Variants in TMEM192 observed in about 807,000 individuals in gnomAD.
The protein encoded by TMEM192 is transmembrane protein 192.
A neutral mutation model predicts 26.7 loss-of-function variants in TMEM192; 20 were observed. That is an observed-to-expected ratio of 0.75 (90% CI 0.53 to 1.09). TMEM192 has a LOEUF of 1.09. Ranked by LOEUF, TMEM192 falls within the 50% of genes least tolerant of loss-of-function variation. The pLI, the probability that TMEM192 is intolerant of heterozygous loss-of-function variation, is 0.00. For synonymous variants in TMEM192, 124 were observed against 121.0 expected (o/e 1.02, Z -0.16); for missense variants, 304 against 322.6 (o/e 0.94, Z 0.44).
chr4:165,091,356 G>C (rs1734759171), intron 3 of TMEM192, among the ~76,000 whole-genome samples: 1 of 152,056 alleles, frequency 6.6e-6, no homozygotes, highest in Admixed American at 6.6e-5. Flanking sequence ...CCTTTAATTT[G>C]TGGGATCTAA....
chr4:165,109,407 A>G (rs1455392037), intron 1 of TMEM192, among the ~76,000 whole-genome samples: 1 of 152,164 alleles, frequency 6.6e-6, no homozygotes, highest in Non-Finnish European at 1.5e-5. Flanking sequence ...TGTTGCCCAG[A>G]TTGGAGTGCA....
chr4:165,100,933 G>C (rs773774885), intron 2 of TMEM192, 41 bp from the exon 3 acceptor site: 1 of 1,369,752 alleles, frequency 7.3e-7, no homozygotes, highest in Non-Finnish European at 9.9e-7. Flanking sequence ...TTCAATATTT[G>C]TAATTAGGAA....
At chr4:165,101,850 C>G (rs1440737232) in intron 2 of TMEM192, among the ~76,000 whole-genome samples, 1 of 152,132 alleles carries the variant, frequency 6.6e-6, no homozygotes, top group East Asian at 1.9e-4. Context: ...GCAGGGGAAG[C>G]CAGGAAATGT....
intron 3 of TMEM192, among the ~76,000 whole-genome samples, chr4:165,090,312 G>C (rs970675733): frequency 1.1e-4 from 16 of 150,532 alleles, no homozygotes; most frequent in Admixed American, 2.0e-4. Flanking sequence ...GAACCCGGGG[G>C]GCAGAGTTTG....
chr4:165,085,906 A>G (rs762935458), intron 4 of TMEM192, among the ~76,000 whole-genome samples: 1 of 147,582 alleles, frequency 6.8e-6, no homozygotes, highest in Non-Finnish European at 1.5e-5. Flanking sequence ...CACATGAGGC[A>G]CAGTTTAAAT....
chr4:165,093,719 T>C (rs575069826), intron 3 of TMEM192, among the ~76,000 whole-genome samples: 2 of 152,252 alleles, frequency 1.3e-5, no homozygotes, highest in South Asian at 2.1e-4. Context: ...TATACAGTTA[T>C]ACAGTAATAG....
Position 165,112,802 on chromosome 4 carries a change from C to A in TMEM192, c.-29G>T, listed in dbSNP as rs1028199888. On this transcript the variant is annotated 5_prime_UTR_variant, in exon 1 of 6. Coordinates refer to ENST00000306480, the MANE Select transcript of TMEM192 (RefSeq NM_001100389.2). ...CCGACGCCGGAGGCCGAAGCCCTGG[C>A]CAGCCCGGCCTCTCCACCTGGACCT... 1.2e-6 allele frequency: 2 copies of A among 1,603,110 alleles called. No homozygotes were observed. The highest frequency in any genetic ancestry group is 2.7e-5 in the African/African-American group (2 of 74,444).
intron 1 of TMEM192, chr4:165,111,642 T>C (rs1014699304): frequency 6.6e-6 from 1 of 152,236 alleles, no homozygotes; most frequent in African/African-American, 2.4e-5. Context: ...GTCTCAAATC[T>C]ACTTACAGGT....
Position 165,090,225 on chromosome 4 carries a change from A to G in TMEM192, c.440-1623T>C, listed in dbSNP as rs1261067095. Among the ~76,000 whole-genome samples the G allele has an allele frequency of 2.0e-5, 3 of 149,990 alleles. No homozygotes were observed. In the East Asian group the frequency reaches 5.9e-4, roughly 29 times the overall value. On this transcript the variant is annotated intron_variant, in intron 3 of 5. Coordinates refer to ENST00000306480, the MANE Select transcript of TMEM192 (RefSeq NM_001100389.2). Reference sequence around the variant, plus strand: ...AAACTCCGTCTTGGAAAAAAAAAAAAAAAAAAAAAAAATGCATGGTGGCAG... The same window carrying G: ...AAACTCCGTCTTGGAAAAAAAAAAAGAAAAAAAAAAAATGCATGGTGGCAG...
At chr4:165,096,072 C>A (rs889319458) in intron 3 of TMEM192, among the ~76,000 whole-genome samples, 2 of 151,592 alleles carry the variant, frequency 1.3e-5, no homozygotes, top group African/African-American at 4.8e-5. Flanking sequence ...GCTGGTGTTA[C>A]AGGCGTGAGC....
chr4:165,088,422 A>G, intron 4 of TMEM192, 46 bp downstream of exon 4: 1 of 1,574,892 alleles, frequency 6.3e-7, no homozygotes, highest in Non-Finnish European at 8.6e-7. Context: ...GGAGGAAAGG[A>G]AGCAGTTCGA....
chr4:165,089,493 T>A (rs1447356945), intron 3 of TMEM192, among the ~76,000 whole-genome samples: 1 of 152,076 alleles, frequency 6.6e-6, no homozygotes, highest in Non-Finnish European at 1.5e-5. Context: ...GGCTAATTTT[T>A]AAAATATTTT....
chr4:165,094,495 T>TA (rs1465231804), intron 3 of TMEM192, among the ~76,000 whole-genome samples: 2 of 151,878 alleles, frequency 1.3e-5, no homozygotes, highest in Non-Finnish European at 2.9e-5. Context: ...CCATCTCTAC[T>TA]AAAAAAACAA....
intron 3 of TMEM192, among the ~76,000 whole-genome samples, chr4:165,097,617 T>C (rs1734944311): frequency 6.7e-6 from 1 of 149,184 alleles, no homozygotes. Context: ...GATCCAATTT[T>C]TTTTTCTTTT....
chr4:165,108,437 T>C (rs1735219947), intron 1 of TMEM192, among the ~76,000 whole-genome samples: 1 of 152,134 alleles, frequency 6.6e-6, no homozygotes, highest in Non-Finnish European at 1.5e-5. Context: ...TGTAATCCTA[T>C]ATTCGTGAAC....
rs552353454 is a variant in TMEM192, at chr4:165,071,688, T to A, written c.*7970A>T. Reference sequence around the variant, plus strand: ...AACCGCAAAGGTCCTCAGGTAAGAATGTGCTTAGCAATCCAAAAGCCACAG... The same window carrying A: ...AACCGCAAAGGTCCTCAGGTAAGAAAGTGCTTAGCAATCCAAAAGCCACAG... On this transcript the variant is annotated 3_prime_UTR_variant, in exon 6 of 6. Coordinates refer to ENST00000306480, the MANE Select transcript of TMEM192 (RefSeq NM_001100389.2). The A allele has an allele frequency of 6.6e-6, 1 of 152,262 alleles. No homozygotes were observed. Among genetic ancestry groups the A allele is most frequent in the African/African-American group, 2.4e-5 (1 of 41,522 alleles). 9.4% of individuals were successfully genotyped at this position (152,262 alleles called of 1,614,324 possible).
intron 5 of TMEM192, among the ~76,000 whole-genome samples, chr4:165,085,303 A>G (rs1366446873): frequency 6.6e-6 from 1 of 151,644 alleles, no homozygotes; most frequent in Non-Finnish European, 1.5e-5. Context: ...AGACACCTAT[A>G]AAAAAAGGTG....
rs1266161702 is a variant in TMEM192 at position 165,077,984 on chromosome 4, A to C, written c.*1674T>G. 1 of 149,582 alleles carries C rather than the reference A, an allele frequency of 6.7e-6. No individual in the cohort carries two copies. Among genetic ancestry groups the C allele is most frequent in the African/African-American group, 2.5e-5 (1 of 40,476 alleles). 9.3% of individuals were successfully genotyped at this position (149,582 alleles called of 1,614,324 possible). ...TCTCATTGTTGCCCAGGCTGGTCTC[A>C]AACTCCTGGCCTTGAGTGATCCTCC... On this transcript the variant is annotated 3_prime_UTR_variant, in exon 6 of 6. Transcript: ENST00000306480.
chr4:165,104,767 G>GTGA (rs1025596701), intron 1 of TMEM192, among the ~76,000 whole-genome samples: 8 of 152,118 alleles, frequency 5.3e-5, no homozygotes, highest in African/African-American at 1.9e-4. Context: ...CCAACCCCAG[G>GTGA]TGATCCGCCT....
Sources: allele counts gnomAD v4.1 joint callset (sites outside exome capture counted in the v4.1 genomes callset), GRCh38; gene constraint gnomAD v4.1.1; transcripts MANE v1.5; gene names NCBI Gene and HGNC (gene_info 2026-07-23, HGNC 2026-07-21).